The following RAB8B variants were observed in gnomAD, a reference collection of about 807,000 sequenced individuals.
RAB8B encodes ras-related protein Rab-8B.
Under a neutral mutation model 32.0 loss-of-function variants are expected in RAB8B, and 11 were observed. The observed-to-expected ratio is 0.34, with a 90% CI of 0.22 to 0.57. The LOEUF is 0.57. Among genes scored for constraint, RAB8B ranks in the 20% least tolerant of loss-of-function variants. The probability of loss-of-function intolerance (pLI) is 0.86; values close to 1 mark genes in which losing one functional copy is unlikely to be tolerated. For missense variants in RAB8B, 190 were observed against 258.5 expected (o/e 0.73, Z 1.82); for synonymous variants, 103 against 89.6 (o/e 1.15, Z -0.85).
At chr15:63,241,855 A>G (rs1323975446) in intron 1 of RAB8B, among the ~76,000 whole-genome samples, 1 of 151,978 alleles carries the variant, frequency 6.6e-6, no homozygotes, top group Non-Finnish European at 1.5e-5. Context: ...ATAAAAATCA[A>G]TGTCTATTAA....
rs2038250540 is a variant in RAB8B, at chr15:63,266,660, T to TACATGTC, written c.*3041_*3042insACATGTC. 6.6e-6 allele frequency: 1 copy of TACATGTC among 152,578 alleles called. No individual in the cohort carries two copies. Among genetic ancestry groups the TACATGTC allele is most frequent in the South Asian group, 2.1e-4 (1 of 4,832 alleles). 9.5% of individuals were successfully genotyped at this position (152,578 alleles called of 1,614,324 possible). ...ACATCATTGGGAAAGGTAGGAAATA[T>TACATGTC]TAGTTTAGGATAGAGCATACATGTC... On this transcript the variant is annotated 3_prime_UTR_variant, in exon 8 of 8. Coordinates refer to ENST00000321437, the MANE Select transcript of RAB8B (RefSeq NM_016530.3).
chr15:63,202,175 G>A (rs1647023361), intron 1 of RAB8B, among the ~76,000 whole-genome samples: 1 of 151,608 alleles, frequency 6.6e-6, no homozygotes, highest in Non-Finnish European at 1.5e-5. Flanking sequence ...CTACTTGGGA[G>A]GCTGAGGGAG....
At chr15:63,225,396 C>T (rs2037880439) in intron 1 of RAB8B, among the ~76,000 whole-genome samples, 1 of 152,126 alleles carries the variant, frequency 6.6e-6, no homozygotes, top group Non-Finnish European at 1.5e-5. Context: ...TTATTGCTGT[C>T]ATATATTTTA....
intron 5 of RAB8B, among the ~76,000 whole-genome samples, chr15:63,256,834 T>C (rs1456849595): frequency 6.6e-6 from 1 of 152,248 alleles, no homozygotes; most frequent in Non-Finnish European, 1.5e-5. Context: ...TTCTGGGAGA[T>C]ACAAATTGGT....
chr15:63,262,838 A>C, intron 7 of RAB8B, 96 bp downstream of exon 7: 3 of 428,248 alleles, frequency 7.0e-6, no homozygotes, highest in Non-Finnish European at 1.1e-5. Flanking sequence ...AATTAAACTC[A>C]TTTTTTTCCT....
chr15:63,246,607 C>G (rs1042417980), intron 2 of RAB8B, among the ~76,000 whole-genome samples: 4 of 152,198 alleles, frequency 2.6e-5, no homozygotes, highest in Middle Eastern at 3.2e-3. Context: ...TCTCCAAGAA[C>G]ATCCAGCACC....
intron 1 of RAB8B, among the ~76,000 whole-genome samples, chr15:63,225,098 C>T (rs1031313920): frequency 1.1e-4 from 17 of 152,298 alleles, no homozygotes; most frequent in African/African-American, 2.6e-4. Context: ...TCGTCTTTAA[C>T]GTAATATCAT....
At chr15:63,214,185 T>C (rs759462852) in intron 1 of RAB8B, among the ~76,000 whole-genome samples, 1 of 151,830 alleles carries the variant, frequency 6.6e-6, no homozygotes, top group South Asian at 2.1e-4. Flanking sequence ...GGTATTACAG[T>C]GTGGGAGGTA....
chr15:63,192,930 C>G (rs1245271107), intron 1 of RAB8B, among the ~76,000 whole-genome samples: 1 of 152,054 alleles, frequency 6.6e-6, no homozygotes, highest in East Asian at 1.9e-4. Flanking sequence ...TCTGTCTCTA[C>G]AAAAATACAA....
chr15:63,206,036 T>C (rs1311406681), intron 1 of RAB8B, among the ~76,000 whole-genome samples: 1 of 152,214 alleles, frequency 6.6e-6, no homozygotes, highest in Non-Finnish European at 1.5e-5. Context: ...ACAGTATCTG[T>C]TTGTGGAATA....
intron 1 of RAB8B, among the ~76,000 whole-genome samples, chr15:63,195,596 T>G (rs1390057597): frequency 1.3e-5 from 2 of 152,208 alleles, no homozygotes; most frequent in Non-Finnish European, 2.9e-5. Flanking sequence ...ATTTTTGAAT[T>G]GAATCCAATA....
Position 63,267,180 on chromosome 15 carries a change from A to G in RAB8B, c.*3561A>G, listed in dbSNP as rs1328091018. 5 of 152,582 alleles carry G rather than the reference A, an allele frequency of 3.3e-5. No individual in the cohort carries two copies. The highest frequency in any genetic ancestry group is 7.3e-5 in the Non-Finnish European group (5 of 68,034). 9.5% of individuals were successfully genotyped at this position (152,582 alleles called of 1,614,324 possible). On this transcript the variant is annotated 3_prime_UTR_variant, in exon 8 of 8. Transcript: ENST00000321437. ...TCTAGCACAATTTTAGAGTAGAATAAGTCATTTTTTTAGACTAATAAAATT... is the reference window on the plus strand; with the variant it reads ...TCTAGCACAATTTTAGAGTAGAATAGGTCATTTTTTTAGACTAATAAAATT...
At chr15:63,193,115 T>G (rs2037572268) in intron 1 of RAB8B, among the ~76,000 whole-genome samples, 1 of 152,044 alleles carries the variant, frequency 6.6e-6, no homozygotes, top group Non-Finnish European at 1.5e-5. Context: ...TAGTACTAGC[T>G]ACTTGGGAGG....
intron 1 of RAB8B, 139 bp downstream of exon 1, chr15:63,189,887 G>A: frequency 3.3e-6 from 4 of 1,199,934 alleles, no homozygotes; most frequent in Non-Finnish European, 4.5e-6. Flanking sequence ...ACTGAGAGGG[G>A]CGAGGGCGTG....
chr15:63,239,860 C>A (rs1381886677), intron 1 of RAB8B, among the ~76,000 whole-genome samples: 1 of 152,136 alleles, frequency 6.6e-6, no homozygotes, highest in East Asian at 1.9e-4. Context: ...TTCGCATGAT[C>A]TGAGAGCAAT....
intron 1 of RAB8B, among the ~76,000 whole-genome samples, chr15:63,227,981 C>T (rs1459241271): frequency 6.8e-6 from 1 of 146,604 alleles, no homozygotes; most frequent in Non-Finnish European, 1.5e-5. Flanking sequence ...TTTCCTTTCT[C>T]TTCTTCCTTT....
rs966380225 is a variant in RAB8B, at chr15:63,264,308, A to G, written c.*689A>G. On this transcript the variant is annotated 3_prime_UTR_variant, in exon 8 of 8. Coordinates refer to ENST00000321437, the MANE Select transcript of RAB8B (RefSeq NM_016530.3). ...CCTCTGCCTAATCTATAGAAACTGC[A>G]TTTGGAAATCACCATAATCTCATTT... is the stretch of plus-strand genomic sequence containing the variant. 19 of 152,172 alleles carry G rather than the reference A, an allele frequency of 1.2e-4. No individual in the cohort carries two copies. Among genetic ancestry groups the G allele is most frequent in the African/African-American group, 4.6e-4 (19 of 41,428 alleles). The allele number at this position is 152,172 out of a possible 1,614,324, so 9.4% of individuals were successfully genotyped here.
At chr15:63,236,262 A>C (rs1045489114) in intron 1 of RAB8B, among the ~76,000 whole-genome samples, 2 of 152,240 alleles carry the variant, frequency 1.3e-5, no homozygotes, top group Non-Finnish European at 2.9e-5. Context: ...TTCTAAATTC[A>C]AAATGAAAAT....
chr15:63,240,331 T>C (rs1368213399), intron 1 of RAB8B, among the ~76,000 whole-genome samples: 1 of 152,172 alleles, frequency 6.6e-6, no homozygotes, highest in Non-Finnish European at 1.5e-5. Context: ...AGACTGAATG[T>C]GTAATCTCTT....
Sources: allele counts gnomAD v4.1 joint callset (sites outside exome capture counted in the v4.1 genomes callset), GRCh38; gene constraint gnomAD v4.1.1; transcripts MANE v1.5; gene names NCBI Gene and HGNC (gene_info 2026-07-23, HGNC 2026-07-21).